VAPA: variants seen among roughly 807,000 people sequenced by gnomAD.
VAPA encodes vesicle-associated membrane protein-associated protein A.
A neutral mutation model predicts 25.6 loss-of-function variants in VAPA; 6 were observed. The ratio of observed to expected loss-of-function variants is 0.23; its 90% CI spans 0.13 to 0.46. The LOEUF (loss-of-function observed/expected upper bound fraction) is 0.46. Among genes scored for constraint, VAPA ranks in the 20% least tolerant of loss-of-function variants. The pLI is 0.99. For synonymous variants in VAPA, 112 were observed against 106.2 expected (o/e 1.05, Z -0.34); for missense variants, 244 against 302.1 (o/e 0.81, Z 1.43).
intron 1 of VAPA, chr18:9,914,849 G>A (rs2069098478): frequency 6.6e-6 from 1 of 152,354 alleles, no homozygotes; most frequent in Admixed American, 6.5e-5. Flanking sequence ...GCTAGGGCAC[G>A]GCGCGGGACC....
intron 1 of VAPA, chr18:9,914,824 C>T (rs1363868160): frequency 2.6e-5 from 4 of 152,594 alleles, no homozygotes; most frequent in African/African-American, 9.7e-5. Context: ...TCCCGGCTGT[C>T]AGCGGCGCGG....
intron 2 of VAPA, 58 bp from the exon 3 acceptor site, chr18:9,936,052 A>G (rs2069306654): frequency 4.1e-6 from 5 of 1,219,588 alleles, no homozygotes; most frequent in Admixed American, 2.2e-5. Context: ...AACTGTTTCA[A>G]TGTATGTCTT....
intron 1 of VAPA, among the ~76,000 whole-genome samples, chr18:9,916,605 T>G (rs1415934026): frequency 2.0e-5 from 3 of 152,216 alleles, no homozygotes; most frequent in African/African-American, 4.8e-5. Flanking sequence ...TTTGATTCCT[T>G]AATATTATCG....
intron 1 of VAPA, among the ~76,000 whole-genome samples, chr18:9,929,521 G>A (rs2069231590): frequency 6.6e-6 from 1 of 152,066 alleles, no homozygotes; most frequent in South Asian, 2.1e-4. Flanking sequence ...AAAAGTCAAT[G>A]TAAAATGTTT....
intron 1 of VAPA, among the ~76,000 whole-genome samples, chr18:9,924,470 A>G (rs1346572668): frequency 1.3e-5 from 2 of 152,184 alleles, no homozygotes; most frequent in Non-Finnish European, 2.9e-5. Context: ...TTGCAAATCA[A>G]AGTGTTCCAC....
chr18:9,941,124 T>A (rs2069362890), intron 4 of VAPA, among the ~76,000 whole-genome samples: 1 of 151,900 alleles, frequency 6.6e-6, no homozygotes, highest in Non-Finnish European at 1.5e-5. Flanking sequence ...CCCAGTATTT[T>A]TTTTTTAATT....
chr18:9,950,960 GA>G, intron 5 of VAPA: 1 of 174,002 alleles, frequency 5.7e-6, no homozygotes, highest in Non-Finnish European at 1.2e-5. Flanking sequence ...CTGTGCTGTT[GA>G]GTGTAAAATA....
At chr18:9,928,864 A>C (rs2069225408) in intron 1 of VAPA, among the ~76,000 whole-genome samples, 1 of 152,138 alleles carries the variant, frequency 6.6e-6, no homozygotes, top group African/African-American at 2.4e-5. Flanking sequence ...ACTTAAGGTG[A>C]GTAAGTTTGG....
intron 4 of VAPA, among the ~76,000 whole-genome samples, chr18:9,941,624 C>T (rs558838439): frequency 2.6e-5 from 4 of 152,154 alleles, no homozygotes; most frequent in South Asian, 2.1e-4. Context: ...GTATCTTTGA[C>T]ATGTTGGTTT....
chr18:9,954,389 C>T lies in VAPA; in HGVS notation c.*178C>T. ...GGTTAGAAAACACAATAAAAACAAA[C>T]TGTTCGGCTACTGGACAGGTTGTAT... On this transcript the variant is annotated 3_prime_UTR_variant, in exon 6 of 6. Transcript: ENST00000400000. The T allele has an allele frequency of 5.1e-6, 3 of 583,776 alleles. No homozygotes were observed. Among genetic ancestry groups the T allele is most frequent in the South Asian group, 4.8e-5 (2 of 42,070 alleles). 36.2% of individuals were successfully genotyped at this position (583,776 alleles called of 1,614,324 possible).
At chr18:9,945,029 C>T in intron 4 of VAPA, 1 of 1,614,122 alleles carries the variant, frequency 6.2e-7, no homozygotes, top group Non-Finnish European at 8.5e-7. Context: ...CCCCAGGGGA[C>T]TCAGTGTGTT....
At chr18:9,946,223 G>C (rs539223578) in intron 4 of VAPA, among the ~76,000 whole-genome samples, 2 of 152,168 alleles carry the variant, frequency 1.3e-5, no homozygotes, top group African/African-American at 4.8e-5. Context: ...GTGTTGTTAG[G>C]TGATGTGTTG....
At chr18:9,935,978 A>G (rs751602404) in intron 2 of VAPA, 132 bp from the exon 3 acceptor site, 4 of 496,370 alleles carry the variant, frequency 8.1e-6, no homozygotes, top group Non-Finnish European at 1.3e-5. Context: ...GTGAAGTAGT[A>G]GGAATGATAC....
intron 1 of VAPA, chr18:9,914,832 CG>C: frequency 6.5e-6 from 1 of 152,674 alleles, no homozygotes; most frequent in Non-Finnish European, 1.5e-5. Context: ...GTCAGCGGCG[CG>C]GGGAGGCTAG....
intron 2 of VAPA, among the ~76,000 whole-genome samples, chr18:9,935,049 T>C (rs2069294054): frequency 6.8e-6 from 1 of 147,368 alleles, no homozygotes; most frequent in Non-Finnish European, 1.5e-5. Context: ...GAGCCGAGAT[T>C]GTACCGCTGC....
chr18:9,932,476 G>A (rs1018198867), intron 2 of VAPA, among the ~76,000 whole-genome samples: 4 of 152,108 alleles, frequency 2.6e-5, no homozygotes, highest in Non-Finnish European at 4.4e-5. Context: ...TCTCTTATGT[G>A]TTTACTTGTC....
intron 4 of VAPA, among the ~76,000 whole-genome samples, chr18:9,937,734 A>G (rs368892908): frequency 7.9e-5 from 12 of 152,176 alleles, no homozygotes; most frequent in African/African-American, 2.9e-4. Context: ...GACTTGAAAG[A>G]TAAATTTTTC....
chr18:9,940,073 T>C (rs1434379502), intron 4 of VAPA, among the ~76,000 whole-genome samples: 1 of 152,146 alleles, frequency 6.6e-6, no homozygotes, highest in East Asian at 1.9e-4. Context: ...TCTTTAGAGG[T>C]TTTAAAAAAT....
chr18:9,954,254 T>C lies in VAPA; in HGVS notation c.*43T>C. ...GCTGTTTCTTTTTTTTTTTTTCTCT[T>C]GACCAGAAAAAGATTTGTTTACCTA... On this transcript the variant is annotated 3_prime_UTR_variant, in exon 6 of 6. Transcript: ENST00000400000. The C allele has an allele frequency of 6.5e-7, 1 of 1,534,212 alleles. No homozygotes were observed. Among genetic ancestry groups the C allele is most frequent in the Non-Finnish European group, 8.8e-7 (1 of 1,137,338 alleles).
Sources: allele counts gnomAD v4.1 joint callset (sites outside exome capture counted in the v4.1 genomes callset), GRCh38; gene constraint gnomAD v4.1.1; transcripts MANE v1.5; gene names NCBI Gene and HGNC (gene_info 2026-07-23, HGNC 2026-07-21).